TNR: variants seen among roughly 807,000 people sequenced by gnomAD.
TNR encodes tenascin-R.
In TNR, 45 loss-of-function variants were observed where a neutral mutation model predicts 150.4. The observed-to-expected ratio is 0.30, with a 90% CI of 0.24 to 0.38. The LOEUF (loss-of-function observed/expected upper bound fraction) is 0.38, where lower values mean the gene tolerates loss of function less well. TNR is among the 10% of genes least tolerant of loss of function. The probability of loss-of-function intolerance (pLI) is 1.00; values close to 1 mark genes in which losing one functional copy is unlikely to be tolerated. For synonymous variants in TNR, 687 were observed against 678.4 expected (o/e 1.01, Z -0.20); for missense variants, 1,544 against 1,759.1 (o/e 0.88, Z 2.19).
intron 2 of TNR, among the ~76,000 whole-genome samples, chr1:175,411,515 G>A (rs1223714749): frequency 3.3e-5 from 5 of 151,992 alleles, no homozygotes; most frequent in African/African-American, 1.2e-4. Flanking sequence ...GGCATCAGCA[G>A]GGTTGATTCT....
intron 1 of TNR, among the ~76,000 whole-genome samples, chr1:175,730,713 A>G (rs779480254): frequency 2.6e-5 from 4 of 152,228 alleles, no homozygotes; most frequent in African/African-American, 7.2e-5. Context: ...AAGAAATAAC[A>G]TACATATATA....
chr1:175,346,679 A>G (rs1650800775), intron 18 of TNR, among the ~76,000 whole-genome samples: 1 of 152,180 alleles, frequency 6.6e-6, no homozygotes, highest in Admixed American at 6.5e-5. Flanking sequence ...GATGAAATGA[A>G]TATATTTCCA....
chr1:175,592,046 G>T (rs1341571955), intron 1 of TNR, among the ~76,000 whole-genome samples: 1 of 152,158 alleles, frequency 6.6e-6, no homozygotes, highest in African/African-American at 2.4e-5. Flanking sequence ...TAAGACTTGA[G>T]AGTTTTTTTA....
intron 1 of TNR, among the ~76,000 whole-genome samples, chr1:175,641,587 C>G (rs1305209454): frequency 6.6e-6 from 1 of 152,138 alleles, no homozygotes; most frequent in Non-Finnish European, 1.5e-5. Flanking sequence ...GGAGGCTGCT[C>G]CACAGTGCAG....
chr1:175,695,584 G>A (rs114817592), intron 1 of TNR, among the ~76,000 whole-genome samples: 4,232 of 152,224 alleles, frequency 0.028, 189 homozygotes, highest in African/African-American at 0.096. Context: ...CTGAGCTCCA[G>A]CCTCATTTCC....
Position 175,366,002 on chromosome 1 carries a change from G to A in TNR, c.2190C>T (p.Val730=). The change falls in exon 11 of 23, where the codon GTC becomes GTT. Residue 730 remains valine (V), a synonymous_variant. Transcript: ENST00000367674. ...FTPSSGIASE[V]TVPKDRTSYT... The stretch of plus-strand genomic sequence containing the variant: ...ATGAGGTCCTGTCCTTGGGTACGGT[G>A]ACTTCTGAGGCAATCCCAGAGGATG... 1 of 1,614,182 alleles carries A rather than the reference G, an allele frequency of 6.2e-7. No individual in the cohort carries two copies. The highest frequency in any genetic ancestry group is 8.5e-7 in the Non-Finnish European group (1 of 1,180,024).
chr1:175,526,144 A>G (rs1222996902), intron 2 of TNR, among the ~76,000 whole-genome samples: 2 of 152,220 alleles, frequency 1.3e-5, no homozygotes, highest in Non-Finnish European at 1.5e-5. Flanking sequence ...GAACCCACCC[A>G]TAAGAGTTAC....
intron 2 of TNR, among the ~76,000 whole-genome samples, chr1:175,514,858 G>C (rs564566620): frequency 1.3e-5 from 2 of 152,314 alleles, no homozygotes; most frequent in East Asian, 3.9e-4. Context: ...CTGTGGGGCT[G>C]GATGACTGCC....
intron 3 of TNR, among the ~76,000 whole-genome samples, chr1:175,404,875 G>A (rs1200441114): frequency 6.6e-6 from 1 of 152,226 alleles, no homozygotes; most frequent in Non-Finnish European, 1.5e-5. Flanking sequence ...CTGTTCTGCA[G>A]ATTGTTTTAT....
At chr1:175,675,602 A>T (rs1289861118) in intron 1 of TNR, among the ~76,000 whole-genome samples, 2 of 152,240 alleles carry the variant, frequency 1.3e-5, no homozygotes, top group Non-Finnish European at 2.9e-5. Context: ...TTACCAGCAG[A>T]GTAATGCACA....
chr1:175,611,360 T>C lies in TNR; in HGVS notation c.-164-82991A>G, dbSNP rs75955849. ...TACTCTTTTTTTTAAAGACATGGGGTCTTGCTCTGTTGCCCAGCCTGGAGT... is the reference window on the plus strand; with the variant it reads ...TACTCTTTTTTTTAAAGACATGGGGCCTTGCTCTGTTGCCCAGCCTGGAGT... On this transcript the variant is annotated intron_variant, in intron 1 of 22. Coordinates refer to ENST00000367674, the MANE Select transcript of TNR (RefSeq NM_003285.3). Among the ~76,000 whole-genome samples, 616 of 152,084 alleles carry C rather than the reference T, an allele frequency of 4.1e-3. 4 individuals carry two copies. The highest frequency in any genetic ancestry group is 0.031 in the East Asian group (160 of 5,164).
At chr1:175,510,461 T>C (rs993043637) in intron 2 of TNR, among the ~76,000 whole-genome samples, 1 of 152,174 alleles carries the variant, frequency 6.6e-6, no homozygotes, top group Admixed American at 6.5e-5. Flanking sequence ...CTCTATCCCG[T>C]GTCCCCCATG....
At chr1:175,370,007 CT>C (rs1394571615) in intron 9 of TNR, among the ~76,000 whole-genome samples, 1 of 152,168 alleles carries the variant, frequency 6.6e-6, no homozygotes, top group Non-Finnish European at 1.5e-5. Flanking sequence ...TCTTTTTTCT[CT>C]TCTTAAACCA....
Position 175,435,827 on chromosome 1 carries a change from G to A in TNR, c.-63-29050C>T, listed in dbSNP as rs532279332. Reference sequence around the variant, plus strand: ...TTCCTTTAGGAGCTCTTTTAGGGCAGTTCTGGTGGTGACAAAATCTCTGAG... The same window carrying A: ...TTCCTTTAGGAGCTCTTTTAGGGCAATTCTGGTGGTGACAAAATCTCTGAG... On this transcript the variant is annotated intron_variant, in intron 2 of 22. Coordinates refer to ENST00000367674, the MANE Select transcript of TNR (RefSeq NM_003285.3). Among the ~76,000 whole-genome samples, 3 of 152,314 alleles carry A rather than the reference G, an allele frequency of 2.0e-5. No individual in the cohort carries two copies. The East Asian group carries it at 5.8e-4, about 29-fold the overall frequency.
At chr1:175,354,244 G>T in intron 18 of TNR, 147 bp downstream of exon 18, 2 of 1,091,610 alleles carry the variant, frequency 1.8e-6, no homozygotes, top group Non-Finnish European at 1.3e-6. Flanking sequence ...GAGGTTTCCT[G>T]GTAGGGGCTT....
chr1:175,485,332 C>G (rs1040500449), intron 2 of TNR, among the ~76,000 whole-genome samples: 1 of 152,148 alleles, frequency 6.6e-6, no homozygotes, highest in Non-Finnish European at 1.5e-5. Context: ...AGGACAAAGA[C>G]GTAAGTAGCA....
At chr1:175,488,891 T>A (rs1658125114) in intron 2 of TNR, among the ~76,000 whole-genome samples, 1 of 152,086 alleles carries the variant, frequency 6.6e-6, no homozygotes, top group Non-Finnish European at 1.5e-5. Context: ...TGAGAAAAGG[T>A]CAGAAAGGAT....
chr1:175,583,449 G>A (rs541941976), intron 1 of TNR, among the ~76,000 whole-genome samples: 9 of 152,272 alleles, frequency 5.9e-5, no homozygotes, highest in African/African-American at 9.6e-5. Context: ...GAAGAGAGCC[G>A]GCTGCCAAGG....
intron 1 of TNR, among the ~76,000 whole-genome samples, chr1:175,643,703 T>A (rs1664731599): frequency 6.6e-6 from 1 of 152,184 alleles, no homozygotes; most frequent in Non-Finnish European, 1.5e-5. Flanking sequence ...CAGTAGGCAA[T>A]GAAAATCACA....
Sources: allele counts gnomAD v4.1 joint callset (sites outside exome capture counted in the v4.1 genomes callset), GRCh38; gene constraint gnomAD v4.1.1; transcripts MANE v1.5; gene names NCBI Gene and HGNC (gene_info 2026-07-23, HGNC 2026-07-21).